Variants in JAZF1 observed in about 807,000 individuals in gnomAD.
JAZF1 encodes the protein JAZF zinc finger 1.
JAZF1 carries 8 observed loss-of-function variants against 26.4 expected under a neutral mutation model. The observed-to-expected ratio is 0.30, with a 90% CI of 0.18 to 0.55. The LOEUF is 0.55. Ranked by LOEUF, JAZF1 falls within the 20% of genes least tolerant of loss-of-function variation. The probability of loss-of-function intolerance (pLI) is 0.94; values close to 1 mark genes in which losing one functional copy is unlikely to be tolerated. For synonymous variants in JAZF1, 126 were observed against 122.3 expected (o/e 1.03, Z -0.20); for missense variants, 199 against 322.0 (o/e 0.62, Z 2.92).
chr7:28,033,438 G>A (rs555654256), intron 1 of JAZF1, among the ~76,000 whole-genome samples: 7 of 152,190 alleles, frequency 4.6e-5, no homozygotes, highest in South Asian at 4.2e-4. Flanking sequence ...CCTAGGGTAC[G>A]CTCGAGCTGC....
intron 2 of JAZF1, among the ~76,000 whole-genome samples, chr7:27,985,643 A>G (rs1417639645): frequency 1.3e-5 from 2 of 152,184 alleles, no homozygotes; most frequent in African/African-American, 4.8e-5. Flanking sequence ...TGGCAGAGAC[A>G]CAACAAAAAA....
At chr7:28,083,751 G>A (rs576256020) in intron 1 of JAZF1, among the ~76,000 whole-genome samples, 1 of 151,920 alleles carries the variant, frequency 6.6e-6, no homozygotes, top group African/African-American at 2.4e-5. Flanking sequence ...TCAAGGAAAA[G>A]CCTTGTCCGC....
At chr7:28,112,804 T>A (rs1240096882) in intron 1 of JAZF1, among the ~76,000 whole-genome samples, 1 of 152,162 alleles carries the variant, frequency 6.6e-6, no homozygotes, top group East Asian at 1.9e-4. Context: ...CTCGAGTGCT[T>A]AAGAGAAAGC....
intron 1 of JAZF1, among the ~76,000 whole-genome samples, chr7:28,095,052 C>A (rs920610694): frequency 6.6e-6 from 1 of 152,148 alleles, no homozygotes; most frequent in Non-Finnish European, 1.5e-5. Context: ...GTGCCATCTC[C>A]GAATCTGAGA....
chr7:28,134,210 G>A (rs1311269947), intron 1 of JAZF1, among the ~76,000 whole-genome samples: 2 of 152,114 alleles, frequency 1.3e-5, no homozygotes, highest in Non-Finnish European at 2.9e-5. Flanking sequence ...TCTCTATTAT[G>A]AATAGTTTCA....
rs544185781 is a variant in JAZF1, at chr7:28,075,669, T to C, written c.116-83688A>G. Reference sequence around the variant, plus strand: ...AAACAGACAGTATTATTCTTTTTAATGGCTGCATAGTGTTTCCTATAGTGA... The same window carrying C: ...AAACAGACAGTATTATTCTTTTTAACGGCTGCATAGTGTTTCCTATAGTGA... On this transcript the variant is annotated intron_variant, in intron 1 of 4. Coordinates refer to ENST00000283928, the MANE Select transcript of JAZF1 (RefSeq NM_175061.4). Among the ~76,000 whole-genome samples the C allele has an allele frequency of 2.2e-3, 329 of 152,340 alleles. 1 individual carries two copies. The highest frequency in any genetic ancestry group is 7.6e-3 in the African/African-American group (316 of 41,584).
At chr7:27,925,529 C>A (rs1027663873) in intron 2 of JAZF1, among the ~76,000 whole-genome samples, 1 of 152,132 alleles carries the variant, frequency 6.6e-6, no homozygotes, top group Non-Finnish European at 1.5e-5. Context: ...TCAAGTGATT[C>A]TCCCACCTCG....
At chr7:28,076,770 T>A (rs1784058176) in intron 1 of JAZF1, among the ~76,000 whole-genome samples, 1 of 151,676 alleles carries the variant, frequency 6.6e-6, no homozygotes. Context: ...TCCTTACAGA[T>A]GTTTCCATAA....
At chr7:27,860,416 C>A (rs1406127337) in intron 3 of JAZF1, among the ~76,000 whole-genome samples, 1 of 152,144 alleles carries the variant, frequency 6.6e-6, no homozygotes, top group Non-Finnish European at 1.5e-5. Context: ...ATGGGATGAA[C>A]CAAGCTCACA....
At chr7:28,100,076 T>C (rs118057905) in intron 1 of JAZF1, among the ~76,000 whole-genome samples, 42 of 152,350 alleles carry the variant, frequency 2.8e-4, no homozygotes, top group Middle Eastern at 3.4e-3. Flanking sequence ...TAAAATCTAA[T>C]GTTGGAAGGA....
At chr7:28,073,716 G>A (rs1377349223) in intron 1 of JAZF1, among the ~76,000 whole-genome samples, 1 of 151,984 alleles carries the variant, frequency 6.6e-6, no homozygotes, top group Non-Finnish European at 1.5e-5. Context: ...GCAACCCCAG[G>A]AGGAAAAACC....
intron 2 of JAZF1, among the ~76,000 whole-genome samples, chr7:27,918,353 A>T (rs1784476818): frequency 6.6e-6 from 1 of 152,176 alleles, no homozygotes; most frequent in Non-Finnish European, 1.5e-5. Flanking sequence ...GCCAACATTT[A>T]TCTCTTTGTG....
At chr7:27,967,015 A>T (rs963549600) in intron 2 of JAZF1, among the ~76,000 whole-genome samples, 1 of 152,198 alleles carries the variant, frequency 6.6e-6, no homozygotes, top group Non-Finnish European at 1.5e-5. Flanking sequence ...CCAGTGATAA[A>T]CCAAGAGATC....
Position 27,926,567 on chromosome 7 carries a change from T to G in JAZF1, c.189-31151A>C, listed in dbSNP as rs148927779. On this transcript the variant is annotated intron_variant, in intron 2 of 4. Coordinates refer to ENST00000283928, the MANE Select transcript of JAZF1 (RefSeq NM_175061.4). The stretch of plus-strand genomic sequence containing the variant: ...GTCACCATATCAGCACTCTAGCCTA[T>G]TTTGTCATCTCTCATTCATTGCCTT... Among the ~76,000 whole-genome samples, 382 of 152,264 alleles carry G rather than the reference T, an allele frequency of 2.5e-3. 2 individuals are homozygous for G. The highest frequency in any genetic ancestry group is 8.9e-3 in the African/African-American group (369 of 41,572).
At chr7:27,837,379 A>G (rs540494308) in intron 4 of JAZF1, among the ~76,000 whole-genome samples, 76 of 152,346 alleles carry the variant, frequency 5.0e-4, no homozygotes, top group Admixed American at 1.4e-3. Flanking sequence ...AAGGATACAA[A>G]GGAAAAGAAT....
At chr7:28,001,393 C>CA (rs199503856) in intron 1 of JAZF1, among the ~76,000 whole-genome samples, 2,179 of 151,488 alleles carry the variant, frequency 0.014, 57 homozygotes, top group African/African-American at 0.049. Context: ...AAAACCTAAA[C>CA]AAAAAAAACC....
At chr7:27,987,836 T>C (rs976251883) in intron 2 of JAZF1, among the ~76,000 whole-genome samples, 13 of 152,280 alleles carry the variant, frequency 8.5e-5, no homozygotes, top group African/African-American at 2.2e-4. Context: ...CATTTTGTTC[T>C]GTACTAAGAA....
intron 3 of JAZF1, among the ~76,000 whole-genome samples, chr7:27,853,851 T>C (rs1425638666): frequency 6.6e-6 from 1 of 152,212 alleles, no homozygotes; most frequent in Non-Finnish European, 1.5e-5. Context: ...GTATATTCTG[T>C]TGATTTGGGG....
intron 2 of JAZF1, among the ~76,000 whole-genome samples, chr7:27,947,067 G>A (rs1402234470): frequency 6.6e-6 from 1 of 152,126 alleles, no homozygotes; most frequent in East Asian, 1.9e-4. Flanking sequence ...ATTTTATAGT[G>A]GAATCACAAA....
Sources: gnomAD v4.1 joint callset for allele counts (sites outside exome capture counted in the v4.1 genomes callset) on GRCh38, gnomAD v4.1.1 for gene constraint, MANE v1.5 for transcripts, NCBI Gene and HGNC (gene_info 2026-07-23, HGNC 2026-07-21) for gene names.